The following PRRC2A variants were observed in gnomAD, a reference collection of about 807,000 sequenced individuals.
The protein encoded by PRRC2A is proline rich coiled-coil 2A.
PRRC2A carries 59 observed loss-of-function variants against 224.6 expected under a neutral mutation model. The observed-to-expected ratio is 0.26, with a 90% CI of 0.21 to 0.33. The LOEUF (loss-of-function observed/expected upper bound fraction) is 0.33, where lower values mean the gene tolerates loss of function less well. Ranked by LOEUF, PRRC2A falls within the 10% of genes least tolerant of loss-of-function variation. The probability of loss-of-function intolerance (pLI) is 1.00; values close to 1 mark genes in which losing one functional copy is unlikely to be tolerated. For missense variants in PRRC2A, 3,095 were observed against 2,880.7 expected, an observed-to-expected ratio of 1.07 and a Z score of -1.70; for synonymous variants, 1,194 against 1,109.5, an observed-to-expected ratio of 1.08 and a Z score of -1.51.
intron 21 of PRRC2A, 77 bp from the exon 22 acceptor site, chr6:31,635,055 T>C: frequency 6.3e-7 from 1 of 1,599,642 alleles, no homozygotes; most frequent in Non-Finnish European, 8.5e-7. Context: ...TTTTTCTCTC[T>C]GCGTGTGTGT....
chr6:31,632,906 C>T lies in PRRC2A; in HGVS notation c.4233C>T (p.Ser1411=), dbSNP rs779415163. 1.1e-5 allele frequency: 17 copies of T among 1,612,638 alleles called. No homozygotes were observed. Among genetic ancestry groups the T allele is most frequent in the African/African-American group, 1.3e-5 (1 of 74,904 alleles). Residue 1411 remains serine, a synonymous_variant, in exon 16 of 31, where the codon AGC becomes AGT. Coordinates refer to ENST00000376033, the MANE Select transcript of PRRC2A (RefSeq NM_004638.4). ...PGGKAGSSGS[S]SGGGGGGPGG... is the part of the protein sequence containing the mutation. Reference sequence around the variant, plus strand: ...GCAAGGCTGGCAGCAGTGGCAGCAGCAGTGGAGGAGGCGGTGGGGGTCCTG... The same window carrying T: ...GCAAGGCTGGCAGCAGTGGCAGCAGTAGTGGAGGAGGCGGTGGGGGTCCTG...
Position 31,625,172 on chromosome 6 carries a change from T to A in PRRC2A, c.465T>A (p.Gly155=). 6.2e-7 allele frequency: 1 copy of A among 1,611,586 alleles called. No individual in the cohort carries two copies. The highest frequency in any genetic ancestry group is 8.5e-7 in the Non-Finnish European group (1 of 1,178,832). Residue 155 remains glycine (G), a splice_region_variant and synonymous_variant, in exon 6 of 31, where the codon GGT becomes GGA. Coordinates refer to ENST00000376033, the MANE Select transcript of PRRC2A (RefSeq NM_004638.4). This position sits in a 1 kb window ranked among gnomAD's most constrained non-coding sequence, Gnocchi z 4.1. ...TGTTCTGCATCCCCATCCTAATAGG[T>A]GGAAGGGCATCAAGCCTACTGTCAC... is the stretch of plus-strand genomic sequence containing the variant. ...ASVTHGAHGD[G]GRASSLLSRF...
Position 31,625,735 on chromosome 6 carries a change from G to T in PRRC2A, c.760-57G>T. 3 of 1,561,228 alleles carry T rather than the reference G, an allele frequency of 1.9e-6. No homozygotes were observed. The highest frequency in any genetic ancestry group is 1.8e-6 in the Non-Finnish European group (2 of 1,131,994). ...GAGGATGATTGATAGCAGGCTTAAG[G>T]AGCTAGAAGGGTATATGACTGTCCC... On this transcript the variant is annotated intron_variant, in intron 7 of 30. Coordinates refer to ENST00000376033, the MANE Select transcript of PRRC2A (RefSeq NM_004638.4). This position sits in a 1 kb window ranked among gnomAD's most constrained non-coding sequence, Gnocchi z 4.1.
rs765920770 is a variant in PRRC2A at position 31,631,928 on chromosome 6, C to A, written c.3255C>A (p.Ser1085Arg). The change falls in exon 16 of 31, where the codon AGC becomes AGA. Residue 1085 changes from serine to arginine, a missense_variant. Ser to Arg is a moderately radical substitution (Grantham distance 110). Coordinates refer to ENST00000376033, the MANE Select transcript of PRRC2A (RefSeq NM_004638.4). This position sits in a 1 kb window ranked among gnomAD's most constrained non-coding sequence, Gnocchi z 4.5. ...CTGCTCCCCGAGGCCGCACTGCCAG[C>A]GAGACACGGAGCGAGGGTTCAGAGT... ...HPPAPRGRTA[S>R]ETRSEGSEYE... 3.7e-6 allele frequency: 6 copies of A among 1,612,826 alleles called. No individual in the cohort carries two copies. The highest frequency in any genetic ancestry group is 4.2e-6 in the Non-Finnish European group (5 of 1,179,936).
chr6:31,632,947 C>G lies in PRRC2A; in HGVS notation c.4274C>G (p.Pro1425Arg). 6.2e-7 allele frequency: 1 copy of G among 1,606,256 alleles called. No homozygotes were observed. Among genetic ancestry groups the G allele is most frequent in the Non-Finnish European group, 8.5e-7 (1 of 1,175,748 alleles). The change falls in exon 16 of 31, where the codon CCA (proline) becomes CGA (arginine). Residue 1425 changes from proline to arginine, a missense_variant. By Grantham distance (103) the Pro-to-Arg change is moderately radical. This residue lies in a region of PRRC2A where 2,001 missense variants were observed against 1,764.9 expected (regional missense o/e 1.13). Coordinates refer to ENST00000376033, the MANE Select transcript of PRRC2A (RefSeq NM_004638.4). ...GGGGGTCCTGGAGGAAGGACCGGGC[C>G]AGGACGAGGCGACAAGAGGAGCTGG... ...GGGGPGGRTG[P>R]GRGDKRSWPS...
rs750565411 is a variant in PRRC2A at position 31,632,062 on chromosome 6, G to C, written c.3389G>C (p.Gly1130Ala). ...SDKEAPTPKE[G>A]TLTQVPLAPP... ...AAGGAGGCTCCCACACCCAAGGAGG[G>C]AACACTCACCCAGGTCCCTCTCGCT... Residue 1130 changes from glycine to alanine, a missense_variant, in exon 16 of 31, where the codon GGA becomes GCA. By Grantham distance (60) the Gly-to-Ala change is moderately conservative. This residue lies in a region of PRRC2A where 2,001 missense variants were observed against 1,764.9 expected (regional missense o/e 1.13). Transcript: ENST00000376033. 1 of 1,571,132 alleles carries C rather than the reference G, an allele frequency of 6.4e-7. No homozygotes were observed. The highest frequency in any genetic ancestry group is 8.6e-7 in the Non-Finnish European group (1 of 1,156,080).
In PRRC2A at chr6:31,632,504, A is replaced by G. The variant is rs935421053; in HGVS notation, c.3831A>G (p.Leu1277=). The G allele has an allele frequency of 3.1e-6, 5 of 1,608,740 alleles. No individual in the cohort carries two copies. The highest frequency in any genetic ancestry group is 4.2e-6 in the Non-Finnish European group (5 of 1,177,330). ...GGGGGTCTGAGGGCAAGCCCTCCCT[A>G]ACCCTTCCAGCCTCCGCTCCTGGAC... ...AARGSEGKPS[L]TLPASAPGPE... The change falls in exon 16 of 31, where the codon CTA becomes CTG. Residue 1277 remains leucine, a synonymous_variant. Coordinates refer to ENST00000376033, the MANE Select transcript of PRRC2A (RefSeq NM_004638.4).
intron 9 of PRRC2A, 139 bp from the exon 10 acceptor site, chr6:31,626,633 A>G (rs1264276216): frequency 2.7e-6 from 2 of 736,032 alleles, no homozygotes; most frequent in African/African-American, 3.6e-5. Flanking sequence ...AGTAAGAATG[A>G]CAAGACTTCA....
rs757311627 is a variant in PRRC2A, at chr6:31,631,839, A to C, written c.3166A>C (p.Ser1056Arg). The change falls in exon 16 of 31, where the codon AGT (serine) becomes CGT (arginine). Residue 1056 changes from serine to arginine, a missense_variant. Physicochemically the swap from Ser to Arg is moderately radical, Grantham distance 110 (BLOSUM62 -1). Coordinates refer to ENST00000376033, the MANE Select transcript of PRRC2A (RefSeq NM_004638.4). The surrounding 1 kb of genome is among the most constrained non-coding windows in gnomAD (Gnocchi z 4.5). The part of the protein sequence containing the change: ...GRGARSREFR[S>R]YREFRGDDGR... The stretch of plus-strand genomic sequence containing the variant: ...GGGAGCCCGAAGCCGGGAATTCCGC[A>C]GTTACCGAGAGTTTCGAGGAGATGA... 4 of 1,601,840 alleles carry C rather than the reference A, an allele frequency of 2.5e-6. No homozygotes were observed. Among genetic ancestry groups the C allele is most frequent in the Admixed American group, 1.7e-5 (1 of 58,610 alleles).
chr6:31,624,887 C>G, intron 5 of PRRC2A: 1 of 523,800 alleles, frequency 1.9e-6, no homozygotes, highest in East Asian at 3.2e-5. Flanking sequence ...CAACCTCTGC[C>G]TCCTGGGTTC....
Position 31,632,213 on chromosome 6 carries a change from A to G in PRRC2A, c.3540A>G (p.Gln1180=), listed in dbSNP as rs1256710084. 6.2e-7 allele frequency: 1 copy of G among 1,609,516 alleles called. No homozygotes were observed. Among genetic ancestry groups the G allele is most frequent in the Non-Finnish European group, 8.5e-7 (1 of 1,178,716 alleles). Residue 1180 remains glutamine, a synonymous_variant, in exon 16 of 31, where the codon CAA becomes CAG. Coordinates refer to ENST00000376033, the MANE Select transcript of PRRC2A (RefSeq NM_004638.4). ...RGRGGGRPPP[Q]VCPGWSPPAK... is the part of the protein sequence containing the mutation. Reference sequence around the variant, plus strand: ...GAGGAGGAGGGAGGCCCCCTCCTCAAGTTTGCCCAGGCTGGAGCCCTCCAG... The same window carrying G: ...GAGGAGGAGGGAGGCCCCCTCCTCAGGTTTGCCCAGGCTGGAGCCCTCCAG...
intron 22 of PRRC2A, 26 bp downstream of exon 22, chr6:31,635,298 C>T (rs1561838965): frequency 6.2e-7 from 1 of 1,613,742 alleles, no homozygotes; most frequent in East Asian, 2.2e-5. Context: ...ATCTGGGTAT[C>T]CTGAGTTGGG....
Position 31,622,678 on chromosome 6 carries a change from T to C in PRRC2A, c.-100-12T>C, listed in dbSNP as rs1775424360. The C allele has an allele frequency of 1.4e-5, 10 of 728,616 alleles. No individual in the cohort carries two copies. The highest frequency in any genetic ancestry group is 2.5e-5 in the Admixed American group (1 of 40,814). 45.1% of individuals were successfully genotyped at this position (728,616 alleles called of 1,614,324 possible). A position where few individuals can be genotyped will look rare whatever the true frequency, so the allele number is the denominator to read the frequency against. On this transcript the variant is annotated splice_polypyrimidine_tract_variant and intron_variant, in intron 1 of 30. Coordinates refer to ENST00000376033, the MANE Select transcript of PRRC2A (RefSeq NM_004638.4). ...CAATGGAGTTTTTAAGTTTCTGTTA[T>C]GGTCTGTACAGGGGACAGAGACTGA...
Position 31,636,631 on chromosome 6 carries a change from C to T in PRRC2A, c.5934+23C>T, listed in dbSNP as rs1239947828. 16 of 1,588,490 alleles carry T rather than the reference C, an allele frequency of 1.0e-5. No homozygotes were observed. Among genetic ancestry groups the T allele is most frequent in the East Asian group, 4.5e-5 (2 of 44,638 alleles). Reference sequence around the variant, plus strand: ...CAGGTATATTGTATCTTCACACTTCCCCTTCATTTGATTTCTCTGTCCAGT... The same window carrying T: ...CAGGTATATTGTATCTTCACACTTCTCCTTCATTTGATTTCTCTGTCCAGT... On this transcript the variant is annotated intron_variant, in intron 27 of 30. Transcript: ENST00000376033. The surrounding 1 kb of genome is among the most constrained non-coding windows in gnomAD (Gnocchi z 4.3).
At chr6:31,624,545 G>T (rs1476953110) in intron 5 of PRRC2A, 23 bp downstream of exon 5, 3 of 1,596,584 alleles carry the variant, frequency 1.9e-6, no homozygotes, top group Non-Finnish European at 2.6e-6. Context: ...CTTAATTGGG[G>T]AGCTGTGTCT....
In PRRC2A at chr6:31,631,749, C is replaced by G. The variant is rs569496709; in HGVS notation, c.3076C>G (p.Arg1026Gly). The change falls in exon 16 of 31, where the codon CGG (arginine) becomes GGG (glycine). Residue 1026 changes from arginine to glycine, a missense_variant. By Grantham distance (125) the Arg-to-Gly change is moderately radical. Around this residue, in one of 8 missense-constraint regions of PRRC2A, gnomAD observed 2,001 missense variants for 1,764.9 expected, o/e 1.13. Coordinates refer to ENST00000376033, the MANE Select transcript of PRRC2A (RefSeq NM_004638.4). The surrounding 1 kb of genome is among the most constrained non-coding windows in gnomAD (Gnocchi z 4.5). ...AGTGGGTCCTACCTCTTGCCGGGGT[C>G]GGGGCCGAGGCGAGTATTTTGCCAG... ...ERVGPTSCRG[R>G]GRGEYFARGR... 3.3e-5 allele frequency: 51 copies of G among 1,534,856 alleles called. No individual in the cohort carries two copies. In the East Asian group the frequency reaches 1.1e-3, roughly 33 times the overall value.
chr6:31,637,347 C>T (rs1475887568), intron 30 of PRRC2A, 23 bp downstream of exon 30: 3 of 1,604,602 alleles, frequency 1.9e-6, no homozygotes, highest in East Asian at 4.5e-5. Flanking sequence ...CCCTTGTGGC[C>T]CCAACTCTAA....
chr6:31,628,924 G>GT, intron 12 of PRRC2A: 2 of 557,578 alleles, frequency 3.6e-6, no homozygotes, highest in South Asian at 4.5e-5. Flanking sequence ...AAGTACTGTT[G>GT]TTCTAATGGT....
chr6:31,626,254 A>G (rs1775898557), intron 9 of PRRC2A, 92 bp downstream of exon 9: 1 of 1,442,456 alleles, frequency 6.9e-7, no homozygotes, highest in Non-Finnish European at 9.5e-7. Context: ...TGAAAGGCAG[A>G]CATTGAAGTG....
Sources: gnomAD v4.1 joint callset for allele counts on GRCh38, gnomAD v4.1.1 for gene constraint, gnomAD v4.1.1 regional missense constraint, Gnocchi (gnomAD v3.1) non-coding constraint, MANE v1.5 for transcripts, NCBI Gene and HGNC (gene_info 2026-07-23, HGNC 2026-07-21) for gene names.